The following TTN variants were observed in gnomAD, a reference collection of about 807,000 sequenced individuals.
TTN encodes the protein connectin.
Under a neutral mutation model 3,223.0 loss-of-function variants are expected in TTN, and 1,525 were observed. The ratio of observed to expected loss-of-function variants is 0.47; its 90% CI spans 0.45 to 0.49. The LOEUF (loss-of-function observed/expected upper bound fraction) is 0.49. TTN is among the 20% of genes least tolerant of loss of function. The pLI is 0.00. For missense variants in TTN, 40,786 were observed against 43,424.0 expected (o/e 0.94, Z 5.40); for synonymous variants, 14,094 against 15,161.0 (o/e 0.93, Z 5.17).
chr2:178,781,153 T>A lies in TTN; in HGVS notation c.3491A>T (p.Glu1164Val). The change falls in exon 21 of 363, where the codon GAA becomes GTA. Residue 1164 changes from glutamate (E) to valine (V), a missense_variant. Coordinates refer to ENST00000589042, the MANE Select transcript of TTN (RefSeq NM_001267550.2). Reference sequence around the variant, plus strand: ...AAGCAAGGAAGCAGATGCAGAAGTTTCTCCATGCTTATTGCGAACAACAAT... The same window carrying A: ...AAGCAAGGAAGCAGATGCAGAAGTTACTCCATGCTTATTGCGAACAACAAT... ...YTIVVRNKHG[E>V]TSASASLLEE... 6.2e-7 allele frequency: 1 copy of A among 1,614,050 alleles called. No homozygotes were observed. Among genetic ancestry groups the A allele is most frequent in the Non-Finnish European group, 8.5e-7 (1 of 1,179,972 alleles).
Position 178,610,254 on chromosome 2 carries a change from C to G in TTN, c.51272G>C (p.Arg17091Thr). The change falls in exon 271 of 363, where the codon AGG (arginine) becomes ACG (threonine). Residue 17091 changes from arginine (R) to threonine (T), a missense_variant. Arg to Thr is a moderately conservative substitution (Grantham distance 71). Coordinates refer to ENST00000589042, the MANE Select transcript of TTN (RefSeq NM_001267550.2). Reference protein sequence around the residue: ...HYVLERREAGRRTYIPVMSGE... With the variant: ...HYVLERREAGTRTYIPVMSGE... ...AGACATGACTGGTATATATGTTCTC[C>G]TCCCAGCTTCTCTGCGCTCCAGGAC... 6.2e-7 allele frequency: 1 copy of G among 1,613,028 alleles called. No homozygotes were observed. Among genetic ancestry groups the G allele is most frequent in the Non-Finnish European group, 8.5e-7 (1 of 1,179,276 alleles).
At position 178,663,672 on chromosome 2, in the gene TTN, C is replaced by A; in HGVS notation, c.36487G>T (p.Ala12163Ser). 1 of 1,613,626 alleles carries A rather than the reference C, an allele frequency of 6.2e-7. No homozygotes were observed. The highest frequency in any genetic ancestry group is 1.7e-4 in the Middle Eastern group (1 of 6,060). ...PPKEVVPEKK[A>S]PVAPPKEPEV... Reference sequence around the variant, plus strand: ...GGCTCTTTAGGAGGAGCCACTGGCGCTTTCTTTTCAGGAACTACTTCTTTG... The same window carrying A: ...GGCTCTTTAGGAGGAGCCACTGGCGATTTCTTTTCAGGAACTACTTCTTTG... Residue 12163 changes from alanine to serine, a missense_variant, in exon 171 of 363, where the codon GCG becomes TCG. Transcript: ENST00000589042.
In TTN at chr2:178,546,140, C is replaced by T. The variant is rs775383452; in HGVS notation, c.95120-24G>A. ...ATCTGAAACAGGTGTAATGACAAGC[C>T]ATGATGAAGATCATTCTTTCTGCCC... On this transcript the variant is annotated intron_variant, in intron 342 of 362. Coordinates refer to ENST00000589042, the MANE Select transcript of TTN (RefSeq NM_001267550.2). The T allele has an allele frequency of 1.2e-5, 19 of 1,589,964 alleles. No homozygotes were observed. In the African/African-American group the frequency reaches 2.4e-4, roughly 20 times the overall value.
intron 316 of TTN, chr2:178,580,852 C>G: frequency 2.0e-6 from 1 of 493,406 alleles, no homozygotes; most frequent in Non-Finnish European, 3.5e-6. Context: ...CCTCCTCTTT[C>G]ATGAGCCTTA....
chr2:178,783,582 T>C (rs1385784866), intron 17 of TTN, 138 bp downstream of exon 17: 1 of 760,692 alleles, frequency 1.3e-6, no homozygotes. Context: ...CCAGACCAAA[T>C]ACGGTCTTAA....
At position 178,645,957 on chromosome 2, in the gene TTN, A is replaced by G; in HGVS notation, c.40371T>C (p.Pro13457=). ...PRPPPPPPAP[P]KEDVKEKIFQ... is the part of the protein sequence containing the mutation. ...ATATTTTCTCCTTCACATCTTCCTT[A>G]GGTGGAGCAGGTGGAGGAGGTGGGG... The change falls in exon 217 of 363, where the codon CCT becomes CCC. Residue 13457 remains proline (P), a synonymous_variant. Transcript: ENST00000589042. 6.3e-7 allele frequency: 1 copy of G among 1,587,600 alleles called. No individual in the cohort carries two copies. The highest frequency in any genetic ancestry group is 8.6e-7 in the Non-Finnish European group (1 of 1,169,308).
In TTN at chr2:178,766,387, C is replaced by T; in HGVS notation, c.9697G>A (p.Val3233Ile). ...GRNRSSVTLYVNAPEPPQVLQ... is the reference protein window; with the variant it reads ...GRNRSSVTLYINAPEPPQVLQ... ...GAAATCTGTCCCTACATACCATTGACATAGAGAGTGACAGAACTCCTGTTC... is the reference window on the plus strand; with the variant it reads ...GAAATCTGTCCCTACATACCATTGATATAGAGAGTGACAGAACTCCTGTTC... The change falls in exon 41 of 363, where the codon GTC (valine) becomes ATC (isoleucine). Residue 3233 changes from valine (V) to isoleucine (I), a missense_variant. Transcript: ENST00000589042. 2 of 1,606,914 alleles carry T rather than the reference C, an allele frequency of 1.2e-6. No individual in the cohort carries two copies. Among genetic ancestry groups the T allele is most frequent in the Non-Finnish European group, 1.7e-6 (2 of 1,173,474 alleles).
rs368701590 is a variant in TTN at position 178,600,988 on chromosome 2, A to G, written c.55916T>C (p.Val18639Ala). ...EAWRQCNKRDVEELQFTVEDL... is the reference protein window; with the variant it reads ...EAWRQCNKRDAEELQFTVEDL... ...TTCAACAGTAAATTGCAGTTCTTCC[A>G]CATCACGCTTATTGCACTGCCTCCA... is the stretch of plus-strand genomic sequence containing the variant. The change falls in exon 288 of 363, where the codon GTG becomes GCG. Residue 18639 changes from valine (V) to alanine (A), a missense_variant. Transcript: ENST00000589042. 3 of 1,613,006 alleles carry G rather than the reference A, an allele frequency of 1.9e-6. No homozygotes were observed. The highest frequency in any genetic ancestry group is 2.5e-6 in the Non-Finnish European group (3 of 1,179,380).
At position 178,530,920 on chromosome 2, in the gene TTN, G is replaced by C; in HGVS notation, c.105695C>G (p.Pro35232Arg). ...CCGAGGCTCTGGGGATTTGACTCTT[G>C]GTGGTGATGTCACAGCCTTTTCAGT... ...RVTEKAVTSP[P>R]RVKSPEPRVK... Residue 35232 changes from proline (P) to arginine (R), a missense_variant, in exon 358 of 363, where the codon CCA becomes CGA. By Grantham distance (103) the Pro-to-Arg change is moderately radical (BLOSUM62 -2). Coordinates refer to ENST00000589042, the MANE Select transcript of TTN (RefSeq NM_001267550.2). The C allele has an allele frequency of 1.2e-6, 2 of 1,613,958 alleles. No homozygotes were observed. The highest frequency in any genetic ancestry group is 1.3e-5 in the African/African-American group (1 of 75,022).
Position 178,692,077 on chromosome 2 carries a change from G to A in TTN, c.31701C>T (p.Pro10567=), listed in dbSNP as rs779404719. 23 of 1,612,692 alleles carry A rather than the reference G, an allele frequency of 1.4e-5. No homozygotes were observed. The Admixed American group carries it at 1.7e-4, about 12-fold the overall frequency. ...GAACTGGCTTTTTCTCCTCTGGCAC[G>A]GGTTTCTTGGGAACCTCAGGAACTT... ...APKVPEVPKK[P]VPEEKKPVPV... Residue 10567 remains proline, a synonymous_variant, in exon 121 of 363, where the codon CCC becomes CCT. Coordinates refer to ENST00000589042, the MANE Select transcript of TTN (RefSeq NM_001267550.2).
Position 178,589,797 on chromosome 2 carries a change from C to G in TTN, c.61928G>C (p.Cys20643Ser). The change falls in exon 304 of 363, where the codon TGT becomes TCT. Residue 20643 changes from cysteine (C) to serine (S), a missense_variant. Coordinates refer to ENST00000589042, the MANE Select transcript of TTN (RefSeq NM_001267550.2). The stretch of plus-strand genomic sequence containing the variant: ...CCCAACACCTACTTTATTCTCTGCA[C>G]AAACTCGGAAATAGTATTCATTGTT... Reference protein sequence around the residue: ...LANNEYYFRVCAENKVGVGPT... With the variant: ...LANNEYYFRVSAENKVGVGPT... 6.2e-7 allele frequency: 1 copy of G among 1,613,586 alleles called. No individual in the cohort carries two copies. Among genetic ancestry groups the G allele is most frequent in the South Asian group, 1.1e-5 (1 of 91,086 alleles).
In TTN at chr2:178,547,549, G is replaced by A; in HGVS notation, c.94077C>T (p.Val31359=). 1.2e-6 allele frequency: 2 copies of A among 1,613,800 alleles called. No individual in the cohort carries two copies. Among genetic ancestry groups the A allele is most frequent in the Non-Finnish European group, 8.5e-7 (1 of 1,179,808 alleles). The change falls in exon 339 of 363, where the codon GTC becomes GTT. Residue 31359 remains valine (V), a synonymous_variant. Transcript: ENST00000589042. ...RESGTTAWQL[V]NSSVKRTQIK... The stretch of plus-strand genomic sequence containing the variant: ...TTTGAGTGCGCTTGACACTGGAATT[G>A]ACAAGCTGCCAAGCTGTTGTACCCG...
intron 253 of TTN, 71 bp downstream of exon 253, chr2:178,617,708 A>G: frequency 6.4e-7 from 1 of 1,553,792 alleles, no homozygotes; most frequent in East Asian, 2.3e-5. Context: ...ATTTAACTTG[A>G]TTTATTTTAA....
In TTN at chr2:178,592,861, T is replaced by C. The variant is rs755651839; in HGVS notation, c.59258A>G (p.Tyr19753Cys). The change falls in exon 300 of 363, where the codon TAT becomes TGT. Residue 19753 changes from tyrosine to cysteine, a missense_variant. Tyr to Cys is a radical substitution (Grantham distance 194). Transcript: ENST00000589042. The part of the protein sequence containing the change: ...KVTGLRDGQT[Y>C]KFRVLAVNAA... ...ATTGACTGCTAACACTCTAAACTTA[T>C]AGGTTTGACCGTCCCGAAGACCGGT... 13 of 1,613,406 alleles carry C rather than the reference T, an allele frequency of 8.1e-6. No homozygotes were observed. The highest frequency in any genetic ancestry group is 5.3e-5 in the African/African-American group (4 of 74,902).
rs533172128 is a variant in TTN, at chr2:178,706,730, G to A, written c.29144C>T (p.Ala9715Val). The A allele has an allele frequency of 9.3e-6, 15 of 1,607,972 alleles. No individual in the cohort carries two copies. The Admixed American group carries it at 1.0e-4, about 11-fold the overall frequency. ...QSIRVVEKTT[A>V]TFIAKVGGDP... ...ACCTCCAACTTTTGCAATGAAGGTC[G>A]CAGTGGTTTCTAAGGAATAATGAAA... Residue 9715 changes from alanine to valine, a missense_variant, in exon 102 of 363, where the codon GCG (alanine) becomes GTG (valine). Physicochemically the swap from Ala to Val is moderately conservative, Grantham distance 64. Transcript: ENST00000589042.
chr2:178,572,018 A>G lies in TTN; in HGVS notation c.74114T>C (p.Val24705Ala), dbSNP rs751622854. The change falls in exon 326 of 363, where the codon GTG (valine) becomes GCG (alanine). Residue 24705 changes from valine to alanine, a missense_variant. By Grantham distance (64) the Val-to-Ala change is moderately conservative. Coordinates refer to ENST00000589042, the MANE Select transcript of TTN (RefSeq NM_001267550.2). The part of the protein sequence containing the change: ...KGISDPRQLS[V>A]PVIAKDLVIP... The stretch of plus-strand genomic sequence containing the variant: ...GACAAGATCTTTGGCGATCACTGGC[A>G]CACTCAGTTGTCTAGGATCACTGAT... 6.2e-7 allele frequency: 1 copy of G among 1,613,302 alleles called. No individual in the cohort carries two copies. The highest frequency in any genetic ancestry group is 8.5e-7 in the Non-Finnish European group (1 of 1,179,572).
chr2:178,713,107 A>G lies in TTN; in HGVS notation c.27027T>C (p.Cys9009=), dbSNP rs759262319. ...GACCTCTCACAGTCAAAGGAGCACT[A>G]CATTCATCAGAACCAGCCATATTAG... ...IATNMAGSDE[C]SAPLTVREPP... Residue 9009 remains cysteine, a synonymous_variant, in exon 93 of 363, where the codon TGT becomes TGC. Coordinates refer to ENST00000589042, the MANE Select transcript of TTN (RefSeq NM_001267550.2). 1 of 1,613,636 alleles carries G rather than the reference A, an allele frequency of 6.2e-7. No individual in the cohort carries two copies. The highest frequency in any genetic ancestry group is 8.5e-7 in the Non-Finnish European group (1 of 1,179,654).
rs752094474 is a variant in TTN, at chr2:178,731,050, C to A, written c.17615G>T (p.Ser5872Ile). 1 of 1,613,668 alleles carries A rather than the reference C, an allele frequency of 6.2e-7. No individual in the cohort carries two copies. Residue 5872 changes from serine to isoleucine, a missense_variant, in exon 60 of 363, where the codon AGT becomes ATT. Coordinates refer to ENST00000589042, the MANE Select transcript of TTN (RefSeq NM_001267550.2). ...ELTLGSKYKISVTDTVSILKI... is the reference protein window; with the variant it reads ...ELTLGSKYKIIVTDTVSILKI... Reference sequence around the variant, plus strand: ...CAGTATTGAGACTGTATCAGTGACACTGATTTTATATTTTGAGCCCAGGGT... The same window carrying A: ...CAGTATTGAGACTGTATCAGTGACAATGATTTTATATTTTGAGCCCAGGGT...
At position 178,552,931 on chromosome 2, in the gene TTN, G is replaced by T. The variant is rs1699983035; in HGVS notation, c.89969C>A (p.Thr29990Lys). 2 of 1,613,566 alleles carry T rather than the reference G, an allele frequency of 1.2e-6. No homozygotes were observed. Among genetic ancestry groups the T allele is most frequent in the Non-Finnish European group, 1.7e-6 (2 of 1,179,778 alleles). ...CGACAAATCTATTAGCTTGAAGGATGTGCTAGAACATTTGTGTGACACGAC... is the reference window on the plus strand; with the variant it reads ...CGACAAATCTATTAGCTTGAAGGATTTGCTAGAACATTTGTGTGACACGAC... Reference protein sequence around the residue: ...WSVVSHKCSSTSFKLIDLSEK... With the variant: ...WSVVSHKCSSKSFKLIDLSEK... Residue 29990 changes from threonine (T) to lysine (K), a missense_variant, in exon 335 of 363, where the codon ACA becomes AAA. Physicochemically the swap from Thr to Lys is moderately conservative, Grantham distance 78 (BLOSUM62 -1). Transcript: ENST00000589042.
Sources: gnomAD v4.1 joint callset for allele counts on GRCh38, gnomAD v4.1.1 for gene constraint, MANE v1.5 for transcripts, NCBI Gene and HGNC (gene_info 2026-07-23, HGNC 2026-07-21) for gene names.